Variants in TRIM2 observed in about 807,000 individuals in gnomAD.
TRIM2 encodes the protein tripartite motif-containing protein 2.
Under a neutral mutation model 75.2 loss-of-function variants are expected in TRIM2, and 20 were observed. The observed-to-expected ratio is 0.27, with a 90% confidence interval of 0.19 to 0.39. The LOEUF is 0.39. Among genes scored for constraint, TRIM2 ranks in the 10% least tolerant of loss-of-function variants. TRIM2 has a pLI of 1.00. For missense variants in TRIM2, 660 were observed against 990.8 expected, an observed-to-expected ratio of 0.67 and a Z score of 4.48; for synonymous variants, 373 against 388.3, an observed-to-expected ratio of 0.96 and a Z score of 0.46.
At chr4:153,248,000 T>G (rs911092548) in intron 1 of TRIM2, among the ~76,000 whole-genome samples, 3 of 150,434 alleles carry the variant, frequency 2.0e-5, no homozygotes, top group South Asian at 2.1e-4. Flanking sequence ...CATGTGTTTT[T>G]TTTTTTTTTT....
intron 6 of TRIM2, among the ~76,000 whole-genome samples, chr4:153,314,358 T>G (rs1158259039): frequency 2.2e-5 from 3 of 136,120 alleles, no homozygotes; most frequent in Non-Finnish European, 4.5e-5. Flanking sequence ...AGGTGGAGCT[T>G]GCAGTGAGCC....
intron 1 of TRIM2, among the ~76,000 whole-genome samples, chr4:153,207,982 G>T (rs1735939348): frequency 6.6e-6 from 1 of 152,140 alleles, no homozygotes; most frequent in African/African-American, 2.4e-5. Flanking sequence ...AATAATAGAT[G>T]GGTCTTGTGT....
At chr4:153,188,855 A>G (rs1367945810) in intron 1 of TRIM2, among the ~76,000 whole-genome samples, 2 of 152,126 alleles carry the variant, frequency 1.3e-5, no homozygotes, top group Non-Finnish European at 2.9e-5. Flanking sequence ...TTTTACCTTC[A>G]GAAGAAGTTT....
intron 10 of TRIM2, among the ~76,000 whole-genome samples, chr4:153,327,212 A>T (rs1047547218): frequency 6.6e-6 from 1 of 152,212 alleles, no homozygotes; most frequent in Non-Finnish European, 1.5e-5. Context: ...AAAGAACCAC[A>T]AAGGTGGCTT....
chr4:153,302,185 C>T (rs1579498633), intron 6 of TRIM2, among the ~76,000 whole-genome samples: 1 of 151,938 alleles, frequency 6.6e-6, no homozygotes, highest in East Asian at 1.9e-4. Context: ...GATCTTTTAC[C>T]TCCTTGGTTA....
intron 6 of TRIM2, among the ~76,000 whole-genome samples, chr4:153,309,380 T>C (rs567298120): frequency 6.6e-6 from 1 of 152,354 alleles, no homozygotes; most frequent in South Asian, 2.1e-4. Context: ...TGTCCTGCTA[T>C]CTCATGGGAT....
At chr4:153,252,667 A>G (rs1388083342) in intron 1 of TRIM2, among the ~76,000 whole-genome samples, 1 of 152,088 alleles carries the variant, frequency 6.6e-6, no homozygotes, top group African/African-American at 2.4e-5. Context: ...CTGCCACTGC[A>G]CCCAGCTAAT....
chr4:153,155,678 C>A (rs1729168270), intron 1 of TRIM2, among the ~76,000 whole-genome samples: 1 of 152,014 alleles, frequency 6.6e-6, no homozygotes, highest in South Asian at 2.1e-4. Flanking sequence ...CGTTCATGGC[C>A]CCAGCCCAGC....
intron 4 of TRIM2, among the ~76,000 whole-genome samples, chr4:153,293,378 T>A (rs1223875267): frequency 6.6e-6 from 1 of 152,242 alleles, no homozygotes; most frequent in African/African-American, 2.4e-5. Flanking sequence ...CTAAGTATGA[T>A]TACATGAATT....
At chr4:153,165,596 G>A (rs1313583276) in intron 1 of TRIM2, among the ~76,000 whole-genome samples, 1 of 152,074 alleles carries the variant, frequency 6.6e-6, no homozygotes, top group Non-Finnish European at 1.5e-5. Context: ...GCCTCCCAAA[G>A]TCTCAAAATT....
At chr4:153,179,646 T>A (rs755049529) in intron 1 of TRIM2, among the ~76,000 whole-genome samples, 6 of 152,196 alleles carry the variant, frequency 3.9e-5, no homozygotes, top group Non-Finnish European at 8.8e-5. Flanking sequence ...TAAGTCACTG[T>A]TTACGCATAA....
At chr4:153,326,287 C>T (rs561993694) in intron 10 of TRIM2, among the ~76,000 whole-genome samples, 1 of 152,238 alleles carries the variant, frequency 6.6e-6, no homozygotes, top group East Asian at 1.9e-4. Flanking sequence ...GAAAACTCTT[C>T]AAGTTTTCAG....
At chr4:153,194,052 G>A (rs1733514143) in intron 1 of TRIM2, among the ~76,000 whole-genome samples, 2 of 152,140 alleles carry the variant, frequency 1.3e-5, no homozygotes, top group Non-Finnish European at 2.9e-5. Context: ...CCTTCACTAC[G>A]GCCTGGAATT....
intron 3 of TRIM2, among the ~76,000 whole-genome samples, chr4:153,290,717 C>G (rs1761677240): frequency 6.6e-6 from 1 of 152,202 alleles, no homozygotes; most frequent in Non-Finnish European, 1.5e-5. Flanking sequence ...ACCTCGAACT[C>G]CGAAGCTCAA....
intron 1 of TRIM2, among the ~76,000 whole-genome samples, chr4:153,181,404 G>A (rs1011358918): frequency 6.6e-6 from 1 of 152,222 alleles, no homozygotes; most frequent in Non-Finnish European, 1.5e-5. Flanking sequence ...CAATAAACAA[G>A]GCAGCGACCA....
In TRIM2 at chr4:153,205,408, C is replaced by G. The variant is rs78825897; in HGVS notation, c.30+848C>G. On this transcript the variant is annotated intron_variant, in intron 1 of 11. Transcript: ENST00000338700. ...CACCTGTCGTAGCTCACGGGGTGCG[C>G]AAAGGGCAAGGAAAGGGTTGTGCTG... Among the ~76,000 whole-genome samples the G allele has an allele frequency of 5.9e-3, 893 of 152,200 alleles. 10 individuals carry two copies. Among genetic ancestry groups the G allele is most frequent in the African/African-American group, 0.021 (853 of 41,512 alleles).
At chr4:153,226,090 T>G (rs1467849234) in intron 1 of TRIM2, among the ~76,000 whole-genome samples, 1 of 152,182 alleles carries the variant, frequency 6.6e-6, no homozygotes, top group Non-Finnish European at 1.5e-5. Flanking sequence ...AAGCTGTCCT[T>G]GAGCTCCTGG....
At chr4:153,188,824 A>G (rs1732888249) in intron 1 of TRIM2, among the ~76,000 whole-genome samples, 1 of 152,176 alleles carries the variant, frequency 6.6e-6, no homozygotes, top group African/African-American at 2.4e-5. Flanking sequence ...CACATAAAGA[A>G]TCTTGTTTTA....
chr4:153,191,291 G>C (rs1733162160), intron 1 of TRIM2, among the ~76,000 whole-genome samples: 1 of 152,194 alleles, frequency 6.6e-6, no homozygotes, highest in South Asian at 2.1e-4. Context: ...TTCCAGATCA[G>C]TCATCTATGG....
Sources: allele counts gnomAD v4.1 joint callset (sites outside exome capture counted in the v4.1 genomes callset), GRCh38; gene constraint gnomAD v4.1.1; transcripts MANE v1.5; gene names NCBI Gene and HGNC (gene_info 2026-07-23, HGNC 2026-07-21).